Variants in DNASE2B observed in about 807,000 individuals in gnomAD.
DNASE2B encodes the protein deoxyribonuclease 2 beta.
In DNASE2B, 43 loss-of-function variants were observed where a neutral mutation model predicts 46.0. The observed-to-expected ratio is 0.94, with a 90% CI of 0.73 to 1.21. DNASE2B has a LOEUF of 1.21. Among genes scored for constraint, DNASE2B ranks in the 50% most tolerant of loss-of-function variants. DNASE2B has a pLI of 0.00. For synonymous variants in DNASE2B, 156 were observed against 152.5 expected, an observed-to-expected ratio of 1.02 and a Z score of -0.17; for missense variants, 395 against 414.4, an observed-to-expected ratio of 0.95 and a Z score of 0.41.
intron 1 of DNASE2B, among the ~76,000 whole-genome samples, chr1:84,401,392 A>C (rs1680399810): frequency 6.6e-6 from 1 of 152,216 alleles, no homozygotes; most frequent in Non-Finnish European, 1.5e-5. Context: ...ACAAATGGAA[A>C]ACAACAGTAA....
Position 84,414,868 on chromosome 1 carries a change from A to C in DNASE2B, c.1086A>C (p.Ter362TyrextTer3). Residue 362 changes from the stop codon to tyrosine, a stop_lost, in exon 6 of 6, where the codon TAA (stop) becomes TAC (tyrosine). Transcript: ENST00000370665. The part of the protein sequence containing the change: ...GLVLYYESCK[*>Y] The stretch of plus-strand genomic sequence containing the variant: ...TATTATACTATGAAAGCTGTAAGTA[A>C]ACTTGGTGAAAGGACACAGGTACTA... 6.2e-7 allele frequency: 1 copy of C among 1,604,356 alleles called. No homozygotes were observed. The highest frequency in any genetic ancestry group is 8.5e-7 in the Non-Finnish European group (1 of 1,172,992).
At chr1:84,400,103 T>C (rs1260511365) in intron 1 of DNASE2B, among the ~76,000 whole-genome samples, 5 of 152,116 alleles carry the variant, frequency 3.3e-5, no homozygotes, top group Admixed American at 3.3e-4. Context: ...GCGTGGTGGC[T>C]CACGCCTGTA....
intron 1 of DNASE2B, among the ~76,000 whole-genome samples, chr1:84,400,426 G>T (rs746116284): frequency 1.6e-4 from 25 of 152,132 alleles, no homozygotes; most frequent in Non-Finnish European, 3.2e-4. Context: ...TTAGGCTTCT[G>T]CTTCTGAGAC....
intron 5 of DNASE2B, among the ~76,000 whole-genome samples, chr1:84,413,948 G>A (rs547478097): frequency 6.6e-6 from 1 of 152,192 alleles, no homozygotes; most frequent in South Asian, 2.1e-4. Context: ...CACATGTATT[G>A]TATCTTCTCC....
chr1:84,398,610 T>G lies in DNASE2B; in HGVS notation c.46T>G (p.Leu16Val). Residue 16 changes from leucine to valine, a missense_variant, in exon 1 of 6, where the codon TTG (leucine) becomes GTG (valine). Physicochemically the swap from Leu to Val is conservative, Grantham distance 32. Coordinates refer to ENST00000370665, the MANE Select transcript of DNASE2B (RefSeq NM_021233.3). The part of the protein sequence containing the change: ...MARLLRTSFA[L>V]LFLGLFGVLG... ...AAGACTGCTAAGAACATCCTTTGCT[T>G]TGCTCTTCCTTGGCCTCTTTGGGGT... 5 of 1,613,894 alleles carry G rather than the reference T, an allele frequency of 3.1e-6. No individual in the cohort carries two copies. Among genetic ancestry groups the G allele is most frequent in the Non-Finnish European group, 4.2e-6 (5 of 1,179,814 alleles).
intron 2 of DNASE2B, among the ~76,000 whole-genome samples, chr1:84,404,306 A>G (rs963111544): frequency 2.8e-4 from 42 of 152,138 alleles, no homozygotes; most frequent in Non-Finnish European, 1.5e-4. Flanking sequence ...CTTTCTTGCC[A>G]TATCCACAAT....
chr1:84,402,082 T>A lies in DNASE2B; in HGVS notation c.303+4T>A. The A allele has an allele frequency of 6.3e-7, 1 of 1,588,562 alleles. No homozygotes were observed. Among genetic ancestry groups the A allele is most frequent in the Non-Finnish European group, 8.5e-7 (1 of 1,172,492 alleles). On this transcript the variant is annotated splice_donor_region_variant and intron_variant, in intron 2 of 5. Transcript: ENST00000370665. Reference sequence around the variant, plus strand: ...ATATGAAGCATATGCCTCTAAGGTATGTTATATAGTTAATTGTTCACTTGA... The same window carrying A: ...ATATGAAGCATATGCCTCTAAGGTAAGTTATATAGTTAATTGTTCACTTGA...
At chr1:84,400,717 GTGAT>G (rs751560741) in intron 1 of DNASE2B, among the ~76,000 whole-genome samples, 1 of 152,324 alleles carries the variant, frequency 6.6e-6, no homozygotes, top group East Asian at 1.9e-4. Flanking sequence ...CCACCAAATT[GTGAT>G]TGATATGGAA....
chr1:84,404,917 G>T (rs1680473886), intron 2 of DNASE2B, among the ~76,000 whole-genome samples: 1 of 152,096 alleles, frequency 6.6e-6, no homozygotes, highest in Non-Finnish European at 1.5e-5. Flanking sequence ...GTCCCTTCCT[G>T]CCTTAAATCC....
intron 1 of DNASE2B, among the ~76,000 whole-genome samples, chr1:84,401,381 T>C (rs1680399628): frequency 2.6e-5 from 4 of 152,168 alleles, no homozygotes; most frequent in Admixed American, 2.0e-4. Context: ...AAGGGAGATA[T>C]ACAAATGGAA....
intron 4 of DNASE2B, among the ~76,000 whole-genome samples, chr1:84,411,887 C>T (rs1338600445): frequency 6.6e-6 from 1 of 152,070 alleles, no homozygotes; most frequent in Non-Finnish European, 1.5e-5. Context: ...GATGATGATT[C>T]TTAAAGCTTT....
At chr1:84,412,166 G>A (rs2101854029) in intron 4 of DNASE2B, among the ~76,000 whole-genome samples, 183 bp from the exon 5 acceptor site, 1 of 152,292 alleles carries the variant, frequency 6.6e-6, no homozygotes, top group South Asian at 2.1e-4. Context: ...TGGAAACTAG[G>A]AAGTGCTTAA....
At chr1:84,411,543 G>C (rs1431389320) in intron 4 of DNASE2B, among the ~76,000 whole-genome samples, 4 of 150,878 alleles carry the variant, frequency 2.7e-5, no homozygotes, top group Non-Finnish European at 4.4e-5. Context: ...TCTTAATTTT[G>C]TTTTTGAAGT....
chr1:84,411,010 A>G lies in DNASE2B; in HGVS notation c.547+11A>G, dbSNP rs1391343259. ...AGTATGAGGCAATAGGTAAAACTAA[A>G]GTATGTGAGAAAAAAAACGATAACT... On this transcript the variant is annotated intron_variant, in intron 4 of 5. Transcript: ENST00000370665. The G allele has an allele frequency of 5.8e-6, 9 of 1,564,250 alleles. No homozygotes were observed. The highest frequency in any genetic ancestry group is 7.8e-6 in the Non-Finnish European group (9 of 1,158,488).
chr1:84,412,302 C>T, intron 4 of DNASE2B, 47 bp from the exon 5 acceptor site: 1 of 1,415,844 alleles, frequency 7.1e-7, no homozygotes, highest in Non-Finnish European at 9.4e-7. Context: ...CAGGTATTTC[C>T]ATTTGTGTCT....
At position 84,415,002 on chromosome 1, in the gene DNASE2B, T is replaced by G; in HGVS notation, c.*134T>G. 1.6e-6 allele frequency: 1 copy of G among 644,920 alleles called. No homozygotes were observed. The highest frequency in any genetic ancestry group is 2.6e-6 in the Non-Finnish European group (1 of 389,208). The allele number at this position is 644,920 out of a possible 1,614,324, so 39.9% of individuals were successfully genotyped here. On this transcript the variant is annotated 3_prime_UTR_variant, in exon 6 of 6. Coordinates refer to ENST00000370665, the MANE Select transcript of DNASE2B (RefSeq NM_021233.3). ...TATCACAAAATAAAACATTTTTCTC[T>G]CATGTTTACCATTTAATCTTCTATT... is the stretch of plus-strand genomic sequence containing the variant.
At chr1:84,405,320 A>G (rs1680477797) in intron 2 of DNASE2B, among the ~76,000 whole-genome samples, 2 of 152,200 alleles carry the variant, frequency 1.3e-5, no homozygotes, top group African/African-American at 4.8e-5. Context: ...AATTTTAAGT[A>G]TGAGCTATAA....
chr1:84,411,932 T>C (rs1388987761), intron 4 of DNASE2B, among the ~76,000 whole-genome samples: 1 of 152,156 alleles, frequency 6.6e-6, no homozygotes, highest in Non-Finnish European at 1.5e-5. Context: ...TGTATATGTA[T>C]ATGTACATTT....
In DNASE2B at chr1:84,398,644, CA is replaced by C. The variant is rs767599871; in HGVS notation, c.81del (p.Ala28GlnfsTer34). On this transcript the variant is annotated frameshift_variant, in exon 1 of 6. Transcript: ENST00000370665. LOFTEE classifies it high-confidence loss of function. ...LFLGLFGVLGAATISCRNEEG... is the reference protein window; with the variant it reads ...LFLGLFGVLGXATISCRNEEG... ...CTTGGCCTCTTTGGGGTGCTGGGGGCAGCAACAATTTCATGCAGAAATGAAG... is the reference window on the plus strand; with the variant it reads ...CTTGGCCTCTTTGGGGTGCTGGGGGCGCAACAATTTCATGCAGAAATGAAG... The C allele has an allele frequency of 1.2e-6, 2 of 1,613,768 alleles. No individual in the cohort carries two copies. Among genetic ancestry groups the C allele is most frequent in the Non-Finnish European group, 1.7e-6 (2 of 1,179,770 alleles).
Sources: gnomAD v4.1 joint callset for allele counts (sites outside exome capture counted in the v4.1 genomes callset) on GRCh38, gnomAD v4.1.1 for gene constraint, MANE v1.5 for transcripts, NCBI Gene and HGNC (gene_info 2026-07-23, HGNC 2026-07-21) for gene names.